Variants in MPPED1 observed in about 807,000 individuals in gnomAD.
MPPED1 encodes the protein metallophosphoesterase domain containing 1.
Under a neutral mutation model 36.2 loss-of-function variants are expected in MPPED1, and 16 were observed. The observed-to-expected ratio is 0.44, with a 90% CI of 0.30 to 0.67. The LOEUF is 0.67. Among genes scored for constraint, MPPED1 ranks in the 30% least tolerant of loss-of-function variants. The pLI, the probability that MPPED1 is intolerant of heterozygous loss-of-function variation, is 0.10. For synonymous variants in MPPED1, 199 were observed against 191.3 expected, an observed-to-expected ratio of 1.04 and a Z score of -0.33; for missense variants, 307 against 453.4, an observed-to-expected ratio of 0.68 and a Z score of 2.93.
chr22:43,450,002 G>A (rs1031071826), intron 3 of MPPED1, among the ~76,000 whole-genome samples: 7 of 152,194 alleles, frequency 4.6e-5, no homozygotes, highest in African/African-American at 1.7e-4. Context: ...GGGTGGCGGT[G>A]GTTTGTAGAG....
At chr22:43,495,194 A>G (rs2146909744) in intron 4 of MPPED1, among the ~76,000 whole-genome samples, 1 of 117,208 alleles carries the variant, frequency 8.5e-6, no homozygotes, top group African/African-American at 3.3e-5. Context: ...GGTGGTGATG[A>G]TGGAAGTGGT....
At chr22:43,476,176 T>C (rs1931571411) in intron 4 of MPPED1, among the ~76,000 whole-genome samples, 1 of 152,118 alleles carries the variant, frequency 6.6e-6, no homozygotes, top group Admixed American at 6.5e-5. Context: ...TTATCTCTAA[T>C]CCTTACTCAG....
At chr22:43,500,443 TGGTGACGGA>T (rs1290672405) in intron 5 of MPPED1, among the ~76,000 whole-genome samples, 8 of 150,634 alleles carry the variant, frequency 5.3e-5, no homozygotes, top group Non-Finnish European at 1.2e-4. Context: ...GTGGTGGAGG[TGGTGACGGA>T]GGTGGTGGAG....
chr22:43,433,530 T>A (rs1452126130), intron 2 of MPPED1, among the ~76,000 whole-genome samples: 1 of 151,086 alleles, frequency 6.6e-6, no homozygotes, highest in Non-Finnish European at 1.5e-5. Context: ...TCATATTCAT[T>A]TTCCTCCCAG....
intron 3 of MPPED1, among the ~76,000 whole-genome samples, chr22:43,449,145 C>T (rs537417290): frequency 1.3e-5 from 2 of 152,276 alleles, no homozygotes; most frequent in South Asian, 4.1e-4. Flanking sequence ...TCGAAATACA[C>T]GTTTTGCTGC....
intron 4 of MPPED1, among the ~76,000 whole-genome samples, chr22:43,486,953 TG>T (rs1931931350): frequency 1.3e-5 from 2 of 152,126 alleles, no homozygotes; most frequent in Admixed American, 1.3e-4. Context: ...ATCGCTGATA[TG>T]GGTCTTGGGG....
intron 1 of MPPED1, among the ~76,000 whole-genome samples, chr22:43,421,687 CCTT>C (rs1929281001): frequency 6.6e-6 from 1 of 152,240 alleles, no homozygotes. Context: ...TTCTGTATGT[CCTT>C]CTGTCCCCTC....
intron 4 of MPPED1, among the ~76,000 whole-genome samples, chr22:43,487,215 G>A (rs1457996408): frequency 6.6e-6 from 1 of 152,192 alleles, no homozygotes; most frequent in Non-Finnish European, 1.5e-5. Flanking sequence ...AGGTGATCAA[G>A]AGAAACTGCT....
At chr22:43,476,685 C>T (rs1436987753) in intron 4 of MPPED1, among the ~76,000 whole-genome samples, 2 of 152,050 alleles carry the variant, frequency 1.3e-5, no homozygotes, top group African/African-American at 2.4e-5. Context: ...TCCCTGGCCT[C>T]GGCAGGTGCC....
Position 43,505,720 on chromosome 22 carries a change from C to T in MPPED1, c.*104C>T, listed in dbSNP as rs763252610. 30 of 994,306 alleles carry T rather than the reference C, an allele frequency of 3.0e-5. No individual in the cohort carries two copies. Among genetic ancestry groups the T allele is most frequent in the Admixed American group, 6.5e-5 (3 of 45,818 alleles). The allele number at this position is 994,306 out of a possible 1,614,324, so 61.6% of individuals were successfully genotyped here. ...GTTGCCTGGACGACCCATCTGGCTG[C>T]GGGGACTGGCCTAGCAGGCAGGTCA... On this transcript the variant is annotated 3_prime_UTR_variant, in exon 7 of 7. Coordinates refer to ENST00000443721, the MANE Select transcript of MPPED1 (RefSeq NM_001044370.2).
chr22:43,451,625 CCT>C (rs2146854646), intron 3 of MPPED1, among the ~76,000 whole-genome samples: 1 of 152,346 alleles, frequency 6.6e-6, no homozygotes, highest in Admixed American at 6.5e-5. Flanking sequence ...AACATCCCAA[CCT>C]CTCAAAATAG....
chr22:43,419,400 G>A (rs1167969293), intron 1 of MPPED1, among the ~76,000 whole-genome samples: 1 of 152,140 alleles, frequency 6.6e-6, no homozygotes, highest in Non-Finnish European at 1.5e-5. Context: ...GTCAGGAAAC[G>A]AGGGTGAACG....
At chr22:43,499,974 G>A (rs1818980985) in intron 5 of MPPED1, among the ~76,000 whole-genome samples, 2 of 113,134 alleles carry the variant, frequency 1.8e-5, no homozygotes, top group Admixed American at 8.1e-5. Context: ...GGTGATGGGG[G>A]TGGTGGTGGT....
intron 3 of MPPED1, among the ~76,000 whole-genome samples, chr22:43,453,607 C>G (rs150130656): frequency 2.6e-5 from 4 of 152,042 alleles, no homozygotes; most frequent in Non-Finnish European, 5.9e-5. Flanking sequence ...CCCGAAACCC[C>G]GTTGACTTCT....
chr22:43,475,112 C>T (rs1931502807), intron 4 of MPPED1, among the ~76,000 whole-genome samples, 151 bp downstream of exon 4: 1 of 152,140 alleles, frequency 6.6e-6, no homozygotes, highest in South Asian at 2.1e-4. Context: ...GTGACCTAGG[C>T]AGGTCACCGC....
intron 3 of MPPED1, among the ~76,000 whole-genome samples, chr22:43,466,120 C>T (rs976570718): frequency 6.6e-6 from 1 of 152,152 alleles, no homozygotes; most frequent in African/African-American, 2.4e-5. Context: ...AAAACATTTC[C>T]CAGGAAAAAC....
intron 4 of MPPED1, 76 bp downstream of exon 4, chr22:43,475,037 G>T: frequency 7.4e-7 from 1 of 1,350,010 alleles, no homozygotes; most frequent in Non-Finnish European, 1.0e-6. Flanking sequence ...TGTAGGGGAT[G>T]GGAGTAGCAG....
At chr22:43,488,684 A>G (rs1931990443) in intron 4 of MPPED1, among the ~76,000 whole-genome samples, 1 of 152,396 alleles carries the variant, frequency 6.6e-6, no homozygotes, top group African/African-American at 2.4e-5. Flanking sequence ...TAAATGAGAC[A>G]TCTGTTTCAG....
chr22:43,457,151 T>C (rs1281060304), intron 3 of MPPED1, among the ~76,000 whole-genome samples: 7 of 152,240 alleles, frequency 4.6e-5, no homozygotes, highest in African/African-American at 1.7e-4. Flanking sequence ...TTCTCCTCTT[T>C]TGCTTTTTGG....
Sources: allele counts gnomAD v4.1 joint callset (sites outside exome capture counted in the v4.1 genomes callset), GRCh38; gene constraint gnomAD v4.1.1; transcripts MANE v1.5; gene names NCBI Gene and HGNC (gene_info 2026-07-23, HGNC 2026-07-21).